Variants in OLFML1 observed in about 807,000 individuals in gnomAD.
The protein encoded by OLFML1 is olfactomedin like 1, also known as olfactomedin-like protein 1.
OLFML1 carries 33 observed loss-of-function variants against 37.3 expected under a neutral mutation model. The observed-to-expected ratio is 0.88, with a 90% CI of 0.67 to 1.18. The LOEUF (loss-of-function observed/expected upper bound fraction) is 1.18. Ranked by LOEUF, OLFML1 falls within the 50% of genes most tolerant of loss-of-function variation. OLFML1 has a pLI of 0.00. For missense variants in OLFML1, 545 were observed against 483.7 expected, an observed-to-expected ratio of 1.13 and a Z score of -1.19; for synonymous variants, 186 against 181.3, an observed-to-expected ratio of 1.03 and a Z score of -0.21.
chr11:7,503,377 A>G (rs1301798675), intron 2 of OLFML1, among the ~76,000 whole-genome samples: 1 of 152,236 alleles, frequency 6.6e-6, no homozygotes, highest in Non-Finnish European at 1.5e-5. Context: ...GGGATATCCC[A>G]GAATCAAGAA....
At chr11:7,486,792 T>C (rs1215169854) in intron 1 of OLFML1, among the ~76,000 whole-genome samples, 1 of 152,244 alleles carries the variant, frequency 6.6e-6, no homozygotes, top group African/African-American at 2.4e-5. Flanking sequence ...TGCTAATAAT[T>C]ATTTTATACA....
At chr11:7,509,281 T>G (rs372360134) in intron 2 of OLFML1, 117 bp from the exon 3 acceptor site, 1 of 735,950 alleles carries the variant, frequency 1.4e-6, no homozygotes, top group South Asian at 1.9e-5. Context: ...ACTGAAAATA[T>G]TCCCCATCAG....
rs1460418560 is a variant in OLFML1, at chr11:7,488,190, A to C, written c.193A>C (p.Lys65Gln). The C allele has an allele frequency of 1.2e-6, 2 of 1,613,906 alleles. No homozygotes were observed. The highest frequency in any genetic ancestry group is 2.7e-5 in the African/African-American group (2 of 75,026). Reference sequence around the variant, plus strand: ...CATTCAAGAATTCCAAGAGTTCTCAAAAAATATATCTGTCATGCTGGGAAG... The same window carrying C: ...CATTCAAGAATTCCAAGAGTTCTCACAAAATATATCTGTCATGCTGGGAAG... ...AYIQEFQEFS[K>Q]NISVMLGRCQ... Residue 65 changes from lysine (K) to glutamine (Q), a missense_variant, in exon 2 of 3, where the codon AAA (lysine) becomes CAA (glutamine). Physicochemically the swap from Lys to Gln is moderately conservative, Grantham distance 53. Coordinates refer to ENST00000329293, the MANE Select transcript of OLFML1 (RefSeq NM_198474.4).
intron 1 of OLFML1, among the ~76,000 whole-genome samples, chr11:7,486,825 C>T (rs1013627041): frequency 6.6e-6 from 1 of 152,198 alleles, no homozygotes; most frequent in Non-Finnish European, 1.5e-5. Context: ...ATCTTCATGT[C>T]CAAATTATAT....
intron 2 of OLFML1, among the ~76,000 whole-genome samples, chr11:7,489,879 T>A (rs964860494): frequency 2.0e-5 from 3 of 152,090 alleles, no homozygotes; most frequent in African/African-American, 7.2e-5. Flanking sequence ...TCTATAATTT[T>A]TTTCAGACCA....
At chr11:7,488,737 G>A (rs893684058) in intron 2 of OLFML1, 2 of 183,438 alleles carry the variant, frequency 1.1e-5, no homozygotes, top group Non-Finnish European at 2.3e-5. Context: ...GATTTTTTCA[G>A]GGAAAGTAGC....
rs373866404 is a variant in OLFML1, at chr11:7,490,132, T to TGGGGG, written c.418+1724_418+1728dup. 2.1e-4 allele frequency among the ~76,000 whole-genome samples: 8 copies of TGGGGG among 37,978 alleles called. No individual in the cohort carries two copies. The South Asian group carries it at 6.8e-3, about 32-fold the overall frequency. 24.9% of individuals were successfully genotyped at this position (37,978 alleles called of 152,430 possible). A position where few individuals can be genotyped will look rare whatever the true frequency, so the allele number is the denominator to read the frequency against. On this transcript the variant is annotated intron_variant, in intron 2 of 2. Transcript: ENST00000329293. ...GGCAGAGGGGTTAGTTAGGCTTTGG[T>TGGGGG]GGGGGGGGGGGCGGGGAACCAAAAA...
At chr11:7,505,909 C>G (rs1288024253) in intron 2 of OLFML1, among the ~76,000 whole-genome samples, 1 of 152,194 alleles carries the variant, frequency 6.6e-6, no homozygotes, top group Non-Finnish European at 1.5e-5. Flanking sequence ...TGATCTTATC[C>G]TGATTCATAT....
rs1188637823 is a variant in OLFML1 at position 7,485,757 on chromosome 11, G to A, written c.-119G>A. On this transcript the variant is annotated 5_prime_UTR_variant, in exon 1 of 3. Transcript: ENST00000329293. ...GACTTTGCTCTCTGCTGTGCAAAAC[G>A]CTGTTTTTAGAGGATTTGCCACAGC... The A allele has an allele frequency of 6.7e-6, 7 of 1,044,188 alleles. No homozygotes were observed. The highest frequency in any genetic ancestry group is 9.9e-6 in the Non-Finnish European group (7 of 705,854). The allele number at this position is 1,044,188 out of a possible 1,614,324, so 64.7% of individuals were successfully genotyped here. A position where few individuals can be genotyped will look rare whatever the true frequency, so the allele number is the denominator to read the frequency against.
Position 7,485,952 on chromosome 11 carries a change from C to T in OLFML1, c.77C>T (p.Thr26Ile), listed in dbSNP as rs1346669316. The change falls in exon 1 of 3, where the codon ACC becomes ATC. Residue 26 changes from threonine (T) to isoleucine (I), a missense_variant. Transcript: ENST00000329293. Reference protein sequence around the residue: ...LAAFLPPPQCTQDPAMVHYIY... With the variant: ...LAAFLPPPQCIQDPAMVHYIY... Reference sequence around the variant, plus strand: ...GCTTTTCTGCCCCCGCCGCAGTGTACCCAGGACCCAGCCATGGTGCATTAC... The same window carrying T: ...GCTTTTCTGCCCCCGCCGCAGTGTATCCAGGACCCAGCCATGGTGCATTAC... 2 of 1,613,866 alleles carry T rather than the reference C, an allele frequency of 1.2e-6. No homozygotes were observed. The highest frequency in any genetic ancestry group is 1.7e-6 in the Non-Finnish European group (2 of 1,179,940).
chr11:7,490,132 T>TGGGGGGG (rs373866404), intron 2 of OLFML1, among the ~76,000 whole-genome samples: 54 of 37,974 alleles, frequency 1.4e-3, no homozygotes, highest in African/African-American at 4.3e-3. Context: ...TAGGCTTTGG[T>TGGGGGGG]GGGGGGGGGG....
Position 7,509,877 on chromosome 11 carries a change from G to A in OLFML1, c.898G>A (p.Gly300Ser). The A allele has an allele frequency of 1.2e-6, 2 of 1,614,204 alleles. No individual in the cohort carries two copies. Among genetic ancestry groups the A allele is most frequent in the Middle Eastern group, 1.6e-4 (1 of 6,062 alleles). ...TTTGGTTCTCACAAAGATTGAGCCG[G>A]GCACACTGGGAGTGGAGCATTCATG... ...SHLVLTKIEP[G>S]TLGVEHSWDT... The change falls in exon 3 of 3, where the codon GGC (glycine) becomes AGC (serine). Residue 300 changes from glycine (G) to serine (S), a missense_variant. By Grantham distance (56) the Gly-to-Ser change is moderately conservative. Transcript: ENST00000329293.
intron 2 of OLFML1, among the ~76,000 whole-genome samples, chr11:7,508,771 G>A (rs1418503206): frequency 6.6e-6 from 1 of 152,192 alleles, no homozygotes; most frequent in Non-Finnish European, 1.5e-5. Context: ...TCGAGGTTTA[G>A]GGTTGATATT....
At chr11:7,486,135 T>G (rs1245547314) in intron 1 of OLFML1, 131 bp downstream of exon 1, 1 of 889,118 alleles carries the variant, frequency 1.1e-6, no homozygotes, top group Non-Finnish European at 1.7e-6. Flanking sequence ...AGTTACACTT[T>G]AAAATGCTCA....
chr11:7,489,942 A>G (rs1564919233), intron 2 of OLFML1, among the ~76,000 whole-genome samples: 2 of 151,672 alleles, frequency 1.3e-5, no homozygotes. Flanking sequence ...GTTATTTCCT[A>G]CCTCCCTATC....
chr11:7,504,939 T>TTC (rs944718640), intron 2 of OLFML1: 2 of 151,302 alleles, frequency 1.3e-5, no homozygotes, highest in African/African-American at 4.9e-5. Flanking sequence ...CATTTTTTTT[T>TTC]TTTTTTTAGA....
chr11:7,490,992 A>G (rs76689477), intron 2 of OLFML1, among the ~76,000 whole-genome samples: 137 of 152,270 alleles, frequency 9.0e-4, no homozygotes, highest in African/African-American at 3.3e-3. Context: ...TTTCTTTTAC[A>G]TAAGAAAGGC....
rs1564921443 is a variant in OLFML1 at position 7,500,089 on chromosome 11, C to T, written c.419-9309C>T. Among the ~76,000 whole-genome samples, 3 of 152,136 alleles carry T rather than the reference C, an allele frequency of 2.0e-5. No homozygotes were observed. The East Asian group carries it at 5.8e-4, about 29-fold the overall frequency. ...TGTATTTTTTGTGGAGACGAGGTCT[C>T]ACTATGTTGCGCACATTGGTCTTGA... is the stretch of plus-strand genomic sequence containing the variant. On this transcript the variant is annotated intron_variant, in intron 2 of 2. Transcript: ENST00000329293.
At chr11:7,487,271 A>G (rs1298858624) in intron 1 of OLFML1, among the ~76,000 whole-genome samples, 3 of 152,228 alleles carry the variant, frequency 2.0e-5, no homozygotes, top group African/African-American at 4.8e-5. Context: ...GCAGACACTT[A>G]ACAATACAGT....
Sources: allele counts gnomAD v4.1 joint callset (sites outside exome capture counted in the v4.1 genomes callset), GRCh38; gene constraint gnomAD v4.1.1; transcripts MANE v1.5; gene names NCBI Gene and HGNC (gene_info 2026-07-23, HGNC 2026-07-21).